KCNU1: variants seen among roughly 807,000 people sequenced by gnomAD.
The protein encoded by KCNU1 is potassium calcium-activated channel subfamily U member 1, also known as potassium channel subfamily U member 1.
Under a neutral mutation model 126.8 loss-of-function variants are expected in KCNU1, and 93 were observed. That is an observed-to-expected ratio of 0.73 (90% CI 0.62 to 0.87). KCNU1 has a LOEUF of 0.87. KCNU1 is among the 40% of genes least tolerant of loss of function. The pLI is 0.00. For synonymous variants in KCNU1, 523 were observed against 494.2 expected, an observed-to-expected ratio of 1.06 and a Z score of -0.77; for missense variants, 1,330 against 1,367.1, an observed-to-expected ratio of 0.97 and a Z score of 0.43.
chr8:36,859,277 A>G (rs1054631792), intron 18 of KCNU1, among the ~76,000 whole-genome samples: 17 of 152,236 alleles, frequency 1.1e-4, no homozygotes, highest in Non-Finnish European at 2.2e-4. Context: ...GAACTTATCA[A>G]TAAATGACAA....
chr8:36,857,448 A>G (rs1336528082), intron 18 of KCNU1, among the ~76,000 whole-genome samples: 2 of 152,148 alleles, frequency 1.3e-5, no homozygotes, highest in Admixed American at 1.3e-4. Context: ...GGAGCCCTGC[A>G]TTCTTGAGCA....
At position 36,817,646 on chromosome 8, in the gene KCNU1, C is replaced by G; in HGVS notation, c.996-4C>G. The G allele has an allele frequency of 6.4e-7, 1 of 1,570,836 alleles. No individual in the cohort carries two copies. The highest frequency in any genetic ancestry group is 8.8e-7 in the Non-Finnish European group (1 of 1,141,394). On this transcript the variant is annotated splice_region_variant and splice_polypyrimidine_tract_variant and intron_variant, in intron 9 of 26. Coordinates refer to ENST00000399881, the MANE Select transcript of KCNU1 (RefSeq NM_001031836.3). Reference sequence around the variant, plus strand: ...GATCCACCTCACCTGTTTTTGCTGCCTAGGTTTATTGTGGTCTGTGGAAAC... The same window carrying G: ...GATCCACCTCACCTGTTTTTGCTGCGTAGGTTTATTGTGGTCTGTGGAAAC...
At chr8:36,904,541 T>C (rs1486338209) in intron 19 of KCNU1, among the ~76,000 whole-genome samples, 1 of 152,188 alleles carries the variant, frequency 6.6e-6, no homozygotes, top group Non-Finnish European at 1.5e-5. Flanking sequence ...GGGTAGTCTT[T>C]AAAGCTTCTG....
At chr8:36,805,174 C>T (rs771383818) in intron 3 of KCNU1, 21 bp from the exon 4 acceptor site, 1 of 1,557,804 alleles carries the variant, frequency 6.4e-7, no homozygotes, top group Non-Finnish European at 8.8e-7. Context: ...TCTTCACAAA[C>T]TGTCCTTCTT....
chr8:36,792,714 A>G (rs1445179210), intron 2 of KCNU1, among the ~76,000 whole-genome samples: 1 of 152,226 alleles, frequency 6.6e-6, no homozygotes, highest in Non-Finnish European at 1.5e-5. Flanking sequence ...TGCTGTCTAT[A>G]GATTTCAATA....
At chr8:36,855,616 A>G (rs1039301607) in intron 18 of KCNU1, among the ~76,000 whole-genome samples, 2 of 152,130 alleles carry the variant, frequency 1.3e-5, no homozygotes, top group African/African-American at 2.4e-5. Context: ...ACTGCTATCT[A>G]TTTATTTCTC....
intron 19 of KCNU1, among the ~76,000 whole-genome samples, chr8:36,879,236 TATACACACAC>T (rs1806387237): frequency 2.1e-5 from 3 of 143,574 alleles, no homozygotes; most frequent in Admixed American, 1.4e-4. Flanking sequence ...TATATATATA[TATACACACAC>T]ATATATGAAA....
intron 10 of KCNU1, among the ~76,000 whole-genome samples, chr8:36,830,631 G>A (rs13439586): frequency 0.054 from 8,171 of 151,946 alleles, 771 homozygotes; most frequent in African/African-American, 0.19. Context: ...GAAGTTAAAC[G>A]CGAAACCATG....
chr8:36,889,313 A>C (rs1429613598), intron 19 of KCNU1: 1 of 517,990 alleles, frequency 1.9e-6, no homozygotes, highest in African/African-American at 1.9e-5. Flanking sequence ...GATGTTAAGA[A>C]ATTTGGTAAT....
chr8:36,842,135 G>A (rs1804979916), intron 16 of KCNU1, among the ~76,000 whole-genome samples: 2 of 152,084 alleles, frequency 1.3e-5, no homozygotes, highest in Admixed American at 6.6e-5. Context: ...CTGTGGCCGT[G>A]GATAAGGATT....
intron 2 of KCNU1, 149 bp from the exon 3 acceptor site, chr8:36,803,878 G>A: frequency 1.5e-6 from 1 of 657,218 alleles, no homozygotes; most frequent in Non-Finnish European, 2.7e-6. Flanking sequence ...ATAAACAGAT[G>A]AATGAATGAA....
chr8:36,819,835 C>A (rs1361501353), intron 10 of KCNU1, among the ~76,000 whole-genome samples: 1 of 152,108 alleles, frequency 6.6e-6, no homozygotes, highest in Admixed American at 6.5e-5. Flanking sequence ...ATACTCCTGC[C>A]CCTTCTCCCA....
intron 10 of KCNU1, among the ~76,000 whole-genome samples, chr8:36,823,441 C>T (rs1804201526): frequency 6.6e-6 from 1 of 152,060 alleles, no homozygotes; most frequent in Non-Finnish European, 1.5e-5. Context: ...CACTCTGCAT[C>T]ACTTCTATTG....
intron 2 of KCNU1, among the ~76,000 whole-genome samples, chr8:36,801,402 GT>G (rs1344396801): frequency 6.6e-6 from 1 of 150,530 alleles, no homozygotes; most frequent in Non-Finnish European, 1.5e-5. Flanking sequence ...TAATCTTTGG[GT>G]TTGTGGTATT....
intron 20 of KCNU1, among the ~76,000 whole-genome samples, chr8:36,908,179 C>T (rs562153514): frequency 3.5e-4 from 54 of 152,254 alleles, no homozygotes; most frequent in African/African-American, 1.3e-3. Flanking sequence ...CATAGGCTTA[C>T]AATAAGTTTC....
chr8:36,835,500 C>A (rs1018654994), intron 12 of KCNU1, among the ~76,000 whole-genome samples: 11 of 152,052 alleles, frequency 7.2e-5, no homozygotes, highest in African/African-American at 2.2e-4. Flanking sequence ...TGCCACCACG[C>A]CAGACTAATT....
intron 19 of KCNU1, among the ~76,000 whole-genome samples, chr8:36,868,984 C>G (rs946987587): frequency 6.6e-6 from 1 of 152,008 alleles, no homozygotes. Flanking sequence ...GGGTGAGTTA[C>G]GACAGTTTTG....
intron 19 of KCNU1, among the ~76,000 whole-genome samples, chr8:36,901,012 A>G (rs926308462): frequency 6.6e-6 from 1 of 152,096 alleles, no homozygotes; most frequent in Non-Finnish European, 1.5e-5. Context: ...AGGAAATTTC[A>G]AGTAGAATGG....
intron 20 of KCNU1, among the ~76,000 whole-genome samples, chr8:36,908,419 T>A (rs1011998218): frequency 6.6e-6 from 1 of 152,014 alleles, no homozygotes; most frequent in Non-Finnish European, 1.5e-5. Context: ...ATGTGCACAA[T>A]GTGCAGGTTT....
Sources: gnomAD v4.1 joint callset for allele counts (sites outside exome capture counted in the v4.1 genomes callset) on GRCh38, gnomAD v4.1.1 for gene constraint, MANE v1.5 for transcripts, NCBI Gene and HGNC (gene_info 2026-07-23, HGNC 2026-07-21) for gene names.